Variants in LRGUK observed in about 807,000 individuals in gnomAD.
LRGUK encodes leucine rich repeats and guanylate kinase domain containing, also known as leucine-rich repeat and guanylate kinase domain-containing protein.
In LRGUK, 65 loss-of-function variants were observed where a neutral mutation model predicts 76.0. The ratio of observed to expected loss-of-function variants is 0.85; its 90% confidence interval spans 0.70 to 1.05. The LOEUF is 1.05. Among genes scored for constraint, LRGUK ranks in the 50% least tolerant of loss-of-function variants. The pLI is 0.00. For synonymous variants in LRGUK, 268 were observed against 265.6 expected, an observed-to-expected ratio of 1.01 and a Z score of -0.09; for missense variants, 758 against 732.8, an observed-to-expected ratio of 1.03 and a Z score of -0.40.
chr7:134,236,402 G>A (rs894615576), intron 16 of LRGUK, among the ~76,000 whole-genome samples: 8 of 152,032 alleles, frequency 5.3e-5, no homozygotes, highest in Non-Finnish European at 1.2e-4. Flanking sequence ...TAATCTACAG[G>A]TTCTCCACCC....
Position 134,228,789 on chromosome 7 carries a change from T to A in LRGUK, c.1983+6871T>A, listed in dbSNP as rs111982791. On this transcript the variant is annotated intron_variant, in intron 16 of 19. Transcript: ENST00000285928. Reference sequence around the variant, plus strand: ...GGGTAAATGTAATAATATCAGATTATCAAATTTTGATGAGTCAAGAAAACA... The same window carrying A: ...GGGTAAATGTAATAATATCAGATTAACAAATTTTGATGAGTCAAGAAAACA... 1.6e-4 allele frequency among the ~76,000 whole-genome samples: 25 copies of A among 152,270 alleles called. 1 individual carries two copies. Among genetic ancestry groups the A allele is most frequent in the Non-Finnish European group, 3.1e-4 (21 of 68,004 alleles).
chr7:134,160,072 G>C (rs1417188347), intron 6 of LRGUK, among the ~76,000 whole-genome samples: 1 of 152,130 alleles, frequency 6.6e-6, no homozygotes, highest in African/African-American at 2.4e-5. Flanking sequence ...TTCATTTTGT[G>C]GTCTGTTAGA....
intron 7 of LRGUK, among the ~76,000 whole-genome samples, chr7:134,171,482 GT>G (rs1028273653): frequency 1.3e-5 from 2 of 151,012 alleles, no homozygotes; most frequent in African/African-American, 4.9e-5. Flanking sequence ...ACATATATAA[GT>G]TTTTTTTTAA....
chr7:134,150,404 G>A (rs1481740845), intron 5 of LRGUK, among the ~76,000 whole-genome samples: 4 of 151,554 alleles, frequency 2.6e-5, no homozygotes, highest in African/African-American at 7.3e-5. Flanking sequence ...GGAGGTTGCA[G>A]TGAGCCGAGA....
intron 15 of LRGUK, among the ~76,000 whole-genome samples, chr7:134,219,930 T>TC (rs1187577876): frequency 1.3e-5 from 2 of 152,182 alleles, no homozygotes; most frequent in Non-Finnish European, 2.9e-5. Context: ...TCTCATGCTG[T>TC]CCCCTCATCC....
At chr7:134,191,803 C>A in intron 12 of LRGUK, 52 bp downstream of exon 12, 3 of 1,176,890 alleles carry the variant, frequency 2.5e-6, no homozygotes, top group South Asian at 1.4e-5. Flanking sequence ...CGTTCTCTGG[C>A]AAAAATGTTA....
At chr7:134,195,854 A>G (rs189300038) in intron 12 of LRGUK, among the ~76,000 whole-genome samples, 69 of 152,286 alleles carry the variant, frequency 4.5e-4, no homozygotes, top group Admixed American at 2.9e-3. Context: ...ATATAACATA[A>G]ACTTCTTTTG....
intron 11 of LRGUK, among the ~76,000 whole-genome samples, chr7:134,184,698 C>T (rs866115446): frequency 6.6e-6 from 1 of 152,216 alleles, no homozygotes; most frequent in African/African-American, 2.4e-5. Flanking sequence ...CTGTTCCCCA[C>T]CTTTTCCATA....
intron 16 of LRGUK, among the ~76,000 whole-genome samples, chr7:134,241,530 T>C (rs537793056): frequency 6.6e-6 from 1 of 152,298 alleles, no homozygotes; most frequent in South Asian, 2.1e-4. Flanking sequence ...ATGCAGCCAA[T>C]ACAGGAGCAC....
At chr7:134,158,596 G>A (rs1798584134) in intron 6 of LRGUK, among the ~76,000 whole-genome samples, 1 of 152,094 alleles carries the variant, frequency 6.6e-6, no homozygotes, top group Non-Finnish European at 1.5e-5. Flanking sequence ...ACTGAATTTT[G>A]ACAGTCCTTT....
At chr7:134,270,933 C>T in the LRGUK span, among the ~76,000 whole-genome samples, 3 of 152,090 alleles carry the variant, frequency 2.0e-5, no homozygotes, top group East Asian at 1.9e-4. Context: ...CTCACCAACA[C>T]GTAAGAGGGT....
intron 6 of LRGUK, among the ~76,000 whole-genome samples, chr7:134,158,445 GGT>G (rs1798577316): frequency 6.6e-6 from 1 of 152,060 alleles, no homozygotes; most frequent in African/African-American, 2.4e-5. Context: ...GGGAAAGAAA[GGT>G]ATACTTTTAG....
At chr7:134,159,743 C>T (rs1028011790) in intron 6 of LRGUK, among the ~76,000 whole-genome samples, 56 of 152,230 alleles carry the variant, frequency 3.7e-4, no homozygotes, top group African/African-American at 1.3e-3. Flanking sequence ...GAGCCGAGAT[C>T]GTGCCACTGA....
At chr7:134,183,709 A>G in intron 10 of LRGUK, 25 bp from the exon 11 acceptor site, 1 of 1,612,970 alleles carries the variant, frequency 6.2e-7, no homozygotes, top group South Asian at 1.1e-5. Context: ...GCAATAGGAG[A>G]ACTGACTCTG....
intron 1 of LRGUK, among the ~76,000 whole-genome samples, chr7:134,129,088 T>C (rs1797163159): frequency 6.6e-6 from 1 of 151,216 alleles, no homozygotes; most frequent in Non-Finnish European, 1.5e-5. Flanking sequence ...TCTCCTTCCT[T>C]CCTTCCTCCC....
intron 9 of LRGUK, among the ~76,000 whole-genome samples, chr7:134,177,276 G>A (rs953530750): frequency 3.9e-5 from 6 of 152,208 alleles, no homozygotes; most frequent in South Asian, 4.1e-4. Flanking sequence ...AAGGCCTGAT[G>A]TCTTGCTGTT....
intron 7 of LRGUK, among the ~76,000 whole-genome samples, chr7:134,169,636 T>C (rs1799162738): frequency 6.6e-6 from 1 of 152,190 alleles, no homozygotes; most frequent in Non-Finnish European, 1.5e-5. Context: ...ATTTAGTCTT[T>C]AATCCAATTG....
At chr7:134,177,303 T>C (rs1585498125) in intron 9 of LRGUK, among the ~76,000 whole-genome samples, 2 of 152,184 alleles carry the variant, frequency 1.3e-5, no homozygotes. Context: ...GTGAAGAGGT[T>C]GGCTGTGGGG....
intron 16 of LRGUK, among the ~76,000 whole-genome samples, chr7:134,235,044 CG>C (rs1801981942): frequency 6.6e-6 from 1 of 152,210 alleles, no homozygotes; most frequent in Non-Finnish European, 1.5e-5. Flanking sequence ...ACCTAGATCA[CG>C]GCAGCCACCT....
Sources: gnomAD v4.1 joint callset for allele counts (sites outside exome capture counted in the v4.1 genomes callset) on GRCh38, gnomAD v4.1.1 for gene constraint, MANE v1.5 for transcripts, NCBI Gene and HGNC (gene_info 2026-07-23, HGNC 2026-07-21) for gene names.